The following GARS1 variants were observed in gnomAD, a reference collection of about 807,000 sequenced individuals.
GARS1 encodes glycine--tRNA ligase.
In GARS1, 46 loss-of-function variants were observed where a neutral mutation model predicts 86.4. The ratio of observed to expected loss-of-function variants is 0.53; its 90% CI spans 0.42 to 0.68. The LOEUF is 0.68. Ranked by LOEUF, GARS1 falls within the 30% of genes least tolerant of loss-of-function variation. The pLI, the probability that GARS1 is intolerant of heterozygous loss-of-function variation, is 0.00. For missense variants in GARS1, 797 were observed against 915.6 expected (o/e 0.87, Z 1.67); for synonymous variants, 342 against 329.8 (o/e 1.04, Z -0.40).
At chr7:30,621,298 A>G (rs1783000712) in intron 10 of GARS1, 95 bp from the exon 11 acceptor site, 2 of 966,042 alleles carry the variant, frequency 2.1e-6, no homozygotes, top group Admixed American at 3.4e-5. Flanking sequence ...TTATCATTGA[A>G]TATATGAAAG....
Position 30,621,402 on chromosome 7 carries a change from G to T in GARS1, c.1369G>T (p.Glu457Ter). The T allele has an allele frequency of 6.2e-7, 1 of 1,613,962 alleles. No homozygotes were observed. The highest frequency in any genetic ancestry group is 1.3e-5 in the African/African-American group (1 of 75,046). The change falls in exon 11 of 17, where the codon GAG becomes TAG. Residue 457 changes from glutamate (E) to a stop codon, truncating the protein, a stop_gained. Coordinates refer to ENST00000389266, the MANE Select transcript of GARS1 (RefSeq NM_002047.4). LOFTEE classifies it high-confidence loss of function. ...GATTATATCTTTTTAGGGTTGGATT[G>T]AGATTGTTGGATGTGCTGATCGTTC... ...AESKTSYGWIEIVGCADRSCY... is the reference protein window; with the variant it reads ...AESKTSYGWI
chr7:30,633,665 C>G, intron 16 of GARS1, 70 bp from the exon 17 acceptor site: 2 of 1,570,338 alleles, frequency 1.3e-6, no homozygotes, highest in Non-Finnish European at 1.7e-6. Context: ...TTCCTGAGTT[C>G]AGGATGAATC....
In GARS1 at chr7:30,615,778, C is replaced by T. The variant is rs41275988; in HGVS notation, c.1032-118C>T. On this transcript the variant is annotated intron_variant, in intron 8 of 16. Coordinates refer to ENST00000389266, the MANE Select transcript of GARS1 (RefSeq NM_002047.4). ...CCAACTTTCTGTTTAGTGAAAAAGA[C>T]CACTATAGTATGGAGCCTTTATCAC... 10,487 of 1,132,754 alleles carry T rather than the reference C, an allele frequency of 9.3e-3. 65 individuals carry two copies. Among genetic ancestry groups the T allele is most frequent in the Middle Eastern group, 0.017 (58 of 3,476 alleles). The allele number at this position is 1,132,754 out of a possible 1,614,324, so 70.2% of individuals were successfully genotyped here. A position where few individuals can be genotyped will look rare whatever the true frequency, so the allele number is the denominator to read the frequency against.
At chr7:30,613,057 C>G (rs1310047649) in intron 8 of GARS1, among the ~76,000 whole-genome samples, 1 of 152,176 alleles carries the variant, frequency 6.6e-6, no homozygotes, top group East Asian at 1.9e-4. Flanking sequence ...CATTTCCTGT[C>G]TTCTCTTCTT....
intron 12 of GARS1, 119 bp downstream of exon 12, chr7:30,622,581 G>A: frequency 8.7e-7 from 1 of 1,152,766 alleles, no homozygotes. Flanking sequence ...TATCTTGGCT[G>A]CATTTAAAAG....
intron 10 of GARS1, among the ~76,000 whole-genome samples, chr7:30,619,097 A>G (rs996311015): frequency 6.6e-6 from 1 of 152,190 alleles, no homozygotes; most frequent in Non-Finnish European, 1.5e-5. Flanking sequence ...TTGCTGTCTC[A>G]GTTAAGTAAT....
At chr7:30,629,700 C>T (rs1783199200) in intron 14 of GARS1, among the ~76,000 whole-genome samples, 1 of 152,184 alleles carries the variant, frequency 6.6e-6, no homozygotes, top group East Asian at 1.9e-4. Context: ...TAGTATGGTA[C>T]TCTCTGCCCT....
intron 13 of GARS1, 166 bp from the exon 14 acceptor site, chr7:30,628,394 A>G (rs1164932425): frequency 3.8e-6 from 2 of 528,124 alleles, no homozygotes; most frequent in African/African-American, 1.9e-5. Context: ...CATGTTGGTC[A>G]GGCTGGTCTC....
intron 6 of GARS1, among the ~76,000 whole-genome samples, chr7:30,609,373 G>A (rs1338419014): frequency 6.6e-6 from 1 of 152,084 alleles, no homozygotes; most frequent in Non-Finnish European, 1.5e-5. Flanking sequence ...TGAGTTTTAG[G>A]TCCCAGAAGG....
chr7:30,616,274 A>G (rs187056478), intron 9 of GARS1, among the ~76,000 whole-genome samples: 2 of 152,158 alleles, frequency 1.3e-5, no homozygotes, highest in Admixed American at 1.3e-4. Context: ...GGCTAGCATG[A>G]AAAAAAATGT....
At chr7:30,599,909 C>A in intron 2 of GARS1, 38 bp from the exon 3 acceptor site, 5 of 1,224,876 alleles carry the variant, frequency 4.1e-6, no homozygotes, top group African/African-American at 1.5e-5. Flanking sequence ...TTCCCACCCA[C>A]CCCTCCACTC....
chr7:30,626,474 G>A (rs565415584), intron 13 of GARS1, among the ~76,000 whole-genome samples, 155 bp downstream of exon 13: 13 of 152,254 alleles, frequency 8.5e-5, no homozygotes, highest in South Asian at 4.1e-4. Context: ...CTCAGCCTCC[G>A]AATTAGCTGG....
At chr7:30,611,345 T>G (rs979607757) in intron 7 of GARS1, among the ~76,000 whole-genome samples, 1 of 152,188 alleles carries the variant, frequency 6.6e-6, no homozygotes, top group East Asian at 1.9e-4. Context: ...CTCAGTTAAG[T>G]TTTAATATGT....
Position 30,632,192 on chromosome 7 carries a change from C to A in GARS1, c.1904-55C>A. On this transcript the variant is annotated intron_variant, in intron 15 of 16. Transcript: ENST00000389266. This position sits in a 1 kb window ranked among gnomAD's most constrained non-coding sequence, Gnocchi z 4.1. ...AGCTTGTAAGACAGTAGTTAGATAA[C>A]ACTGGGCTTAACTCCATTGTTTTAT... is the stretch of plus-strand genomic sequence containing the variant. 6.4e-7 allele frequency: 1 copy of A among 1,552,044 alleles called. No individual in the cohort carries two copies.
intron 12 of GARS1, among the ~76,000 whole-genome samples, chr7:30,623,882 T>C (rs1449131015): frequency 2.6e-5 from 4 of 152,200 alleles, no homozygotes; most frequent in Non-Finnish European, 5.9e-5. Flanking sequence ...TTAGAATTCA[T>C]ATCAAAAACT....
rs534618501 is a variant in GARS1 at position 30,598,701 on chromosome 7, A to C, written c.223-95A>C. On this transcript the variant is annotated intron_variant, in intron 1 of 16. Transcript: ENST00000389266. Reference sequence around the variant, plus strand: ...GCTTGGCCTGAATTGCATCATTCTTACATAGACTTTTTAAAAGGCACGCTT... The same window carrying C: ...GCTTGGCCTGAATTGCATCATTCTTCCATAGACTTTTTAAAAGGCACGCTT... The C allele has an allele frequency of 1.9e-5, 20 of 1,032,686 alleles. 2 individuals are homozygous for C. The South Asian group carries it at 2.5e-4, about 13-fold the overall frequency. The allele number at this position is 1,032,686 out of a possible 1,614,324, so 64.0% of individuals were successfully genotyped here.
At position 30,594,887 on chromosome 7, in the gene GARS1, G is replaced by T. The variant is rs1791204807; in HGVS notation, c.-35G>T. 4 of 1,513,800 alleles carry T rather than the reference G, an allele frequency of 2.6e-6. No individual in the cohort carries two copies. The Admixed American group carries it at 7.9e-5, about 30-fold the overall frequency. 93.8% of individuals were successfully genotyped at this position (1,513,800 alleles called of 1,614,324 possible). A position where few individuals can be genotyped will look rare whatever the true frequency, so the allele number is the denominator to read the frequency against. On this transcript the variant is annotated 5_prime_UTR_variant, in exon 1 of 17. Transcript: ENST00000389266. ...CCGGGCGGCGCGCGCCGCTTCCGTC[G>T]CCACCCTCTCTGGACAGCCCAGGGC...
Position 30,631,520 on chromosome 7 carries a change from A to G in GARS1, c.1882A>G (p.Met628Val). 6.2e-7 allele frequency: 1 copy of G among 1,613,128 alleles called. No homozygotes were observed. The highest frequency in any genetic ancestry group is 1.3e-5 in the African/African-American group (1 of 75,030). ...VLPLSQNQEFMPFVKELSEAL... is the reference protein window; with the variant it reads ...VLPLSQNQEFVPFVKELSEAL... Reference sequence around the variant, plus strand: ...CCCACTGAGCCAAAACCAGGAGTTCATGCCATTTGTCAAGGAATTATGTAA... The same window carrying G: ...CCCACTGAGCCAAAACCAGGAGTTCGTGCCATTTGTCAAGGAATTATGTAA... Residue 628 changes from methionine to valine, a missense_variant, in exon 15 of 17, where the codon ATG (methionine) becomes GTG (valine). Around this residue, in one of 2 missense-constraint regions of GARS1, gnomAD observed 598 missense variants for 738.7 expected, o/e 0.81. Coordinates refer to ENST00000389266, the MANE Select transcript of GARS1 (RefSeq NM_002047.4).
Position 30,598,874 on chromosome 7 carries a change from C to A in GARS1, c.301C>A (p.Arg101Ser), listed in dbSNP as rs746056671. Residue 101 changes from arginine (R) to serine (S), a missense_variant, in exon 2 of 17, where the codon CGC (arginine) becomes AGC (serine). By Grantham distance (110) the Arg-to-Ser change is moderately radical. Coordinates refer to ENST00000389266, the MANE Select transcript of GARS1 (RefSeq NM_002047.4). ...VDKAVAELKA[R>S]KRVLEAKELA... Reference sequence around the variant, plus strand: ...CAAAGCAGTGGCTGAGCTCAAAGCCCGCAAGAGGGTTCTGGAAGCAAAGGT... The same window carrying A: ...CAAAGCAGTGGCTGAGCTCAAAGCCAGCAAGAGGGTTCTGGAAGCAAAGGT... The A allele has an allele frequency of 6.2e-7, 1 of 1,613,976 alleles. No homozygotes were observed. Among genetic ancestry groups the A allele is most frequent in the South Asian group, 1.1e-5 (1 of 91,074 alleles).
Sources: allele counts gnomAD v4.1 joint callset (sites outside exome capture counted in the v4.1 genomes callset), GRCh38; gene constraint gnomAD v4.1.1; regional missense constraint gnomAD v4.1.1; non-coding constraint Gnocchi (gnomAD v3.1); transcripts MANE v1.5; gene names NCBI Gene and HGNC (gene_info 2026-07-23, HGNC 2026-07-21).